ZMIZ2: variants seen among roughly 807,000 people sequenced by gnomAD.
ZMIZ2 encodes the protein zinc finger MIZ domain-containing protein 2.
Under a neutral mutation model 93.9 loss-of-function variants are expected in ZMIZ2, and 26 were observed. The observed-to-expected ratio is 0.28, with a 90% CI of 0.20 to 0.38. The LOEUF (loss-of-function observed/expected upper bound fraction) is 0.38. ZMIZ2 is among the 10% of genes least tolerant of loss of function. The pLI is 1.00. For synonymous variants in ZMIZ2, 485 were observed against 516.4 expected, an observed-to-expected ratio of 0.94 and a Z score of 0.82; for missense variants, 1,023 against 1,235.0, an observed-to-expected ratio of 0.83 and a Z score of 2.57.
At position 44,763,427 on chromosome 7, in the gene ZMIZ2, G is replaced by C; in HGVS notation, c.1860+14G>C. ...CGCCACATACAGGTAGGTGGTTACT[G>C]CAGAGTCTTGCCGGAATTTGCTGCT... On this transcript the variant is annotated intron_variant, in intron 13 of 18. Transcript: ENST00000309315. This position sits in a 1 kb window ranked among gnomAD's most constrained non-coding sequence, Gnocchi z 5.6. The C allele has an allele frequency of 6.2e-7, 1 of 1,613,094 alleles. No homozygotes were observed. Among genetic ancestry groups the C allele is most frequent in the Non-Finnish European group, 8.5e-7 (1 of 1,179,318 alleles).
rs1791775420 is a variant in ZMIZ2 at position 44,766,961 on chromosome 7, A to G, written c.2655+298A>G. Among the ~76,000 whole-genome samples, 1 of 152,110 alleles carries G rather than the reference A, an allele frequency of 6.6e-6. No homozygotes were observed. The highest frequency in any genetic ancestry group is 1.5e-5 in the Non-Finnish European group (1 of 68,026). The stretch of plus-strand genomic sequence containing the variant: ...CCTTAGAGTCAAATTTCGTCTGTCC[A>G]TTTGCTCAGTAGCCCTGGGTCTTGA... On this transcript the variant is annotated intron_variant, in intron 18 of 18. Transcript: ENST00000309315. The surrounding 1 kb of genome is among the most constrained non-coding windows in gnomAD (Gnocchi z 4.4).
At chr7:44,764,309 A>G in intron 13 of ZMIZ2, 110 bp from the exon 14 acceptor site, 1 of 963,350 alleles carries the variant, frequency 1.0e-6, no homozygotes. Flanking sequence ...GCAGTATCTC[A>G]GTTATGCATG....
chr7:44,762,837 C>T, intron 11 of ZMIZ2, 44 bp from the exon 12 acceptor site: 1 of 1,551,400 alleles, frequency 6.4e-7, no homozygotes, highest in Non-Finnish European at 8.8e-7. Context: ...CAGGGTGGCC[C>T]CTGGCCCAAG....
chr7:44,758,381 G>A (rs1790805080), intron 6 of ZMIZ2, among the ~76,000 whole-genome samples: 1 of 151,834 alleles, frequency 6.6e-6, no homozygotes, highest in Non-Finnish European at 1.5e-5. Flanking sequence ...AGAGGTGGGA[G>A]GATCGCCTGA....
chr7:44,756,478 C>T lies in ZMIZ2; in HGVS notation c.104C>T (p.Pro35Leu), dbSNP rs1267076598. The T allele has an allele frequency of 1.9e-6, 3 of 1,614,068 alleles. No homozygotes were observed. Among genetic ancestry groups the T allele is most frequent in the Non-Finnish European group, 2.5e-6 (3 of 1,180,026 alleles). Residue 35 changes from proline (P) to leucine (L), a missense_variant, in exon 3 of 19, where the codon CCG becomes CTG. By Grantham distance (98) the Pro-to-Leu change is moderately conservative (BLOSUM62 -3). Around this residue, in one of 3 missense-constraint regions of ZMIZ2, gnomAD observed 656 missense variants for 777.1 expected, o/e 0.84. Transcript: ENST00000309315. ...CCTTGGCAACAAAGCGCCACTCAGC[C>T]GGCTGGATCGCTGTCTGTGGTCACT... is the stretch of plus-strand genomic sequence containing the variant. ...SVPWQQSATQ[P>L]AGSLSVVTTV...
chr7:44,755,737 C>T (rs1478060263), intron 1 of ZMIZ2, among the ~76,000 whole-genome samples: 1 of 152,206 alleles, frequency 6.6e-6, no homozygotes, highest in Non-Finnish European at 1.5e-5. Context: ...AGCAGGGAGT[C>T]CCCTCACCTC....
intron 7 of ZMIZ2, chr7:44,759,702 A>G (rs1300259654): frequency 1.1e-5 from 5 of 458,352 alleles, no homozygotes; most frequent in African/African-American, 1.0e-4. Context: ...AGGACCCTCT[A>G]CAAGATTCAT....
chr7:44,752,614 G>A (rs752190399), intron 1 of ZMIZ2, among the ~76,000 whole-genome samples: 11 of 152,170 alleles, frequency 7.2e-5, no homozygotes, highest in Non-Finnish European at 1.5e-4. Flanking sequence ...ATCGTACACC[G>A]TGTAGCCTCT....
At position 44,762,995 on chromosome 7, in the gene ZMIZ2, C is replaced by T. The variant is rs931057548; in HGVS notation, c.1702+9C>T. ...GCACTGCATCACCAAGAGTGAGTGG[C>T]TCCTGCCCCTCAGCTGCCAGGCAGC... On this transcript the variant is annotated intron_variant, in intron 12 of 18. Coordinates refer to ENST00000309315, the MANE Select transcript of ZMIZ2 (RefSeq NM_031449.4). 1.9e-6 allele frequency: 3 copies of T among 1,604,032 alleles called. No homozygotes were observed. Among genetic ancestry groups the T allele is most frequent in the Non-Finnish European group, 2.6e-6 (3 of 1,173,936 alleles).
intron 14 of ZMIZ2, 31 bp downstream of exon 14, chr7:44,764,517 A>C (rs781042900): frequency 6.2e-7 from 1 of 1,611,558 alleles, no homozygotes; most frequent in Non-Finnish European, 8.5e-7. Flanking sequence ...GTGATGGAGG[A>C]GGGGCTGGTG....
intron 11 of ZMIZ2, among the ~76,000 whole-genome samples, 178 bp downstream of exon 11, chr7:44,762,083 T>C (rs111363146): frequency 0.092 from 14,038 of 152,218 alleles, 871 homozygotes; most frequent in Admixed American, 0.14. Flanking sequence ...CATGCCGCCG[T>C]CTGCTGTTTT....
rs1583644408 is a variant in ZMIZ2, at chr7:44,761,957, T to C, written c.1596+52T>C. 1 of 517,300 alleles carries C rather than the reference T, an allele frequency of 1.9e-6. No individual in the cohort carries two copies. Among genetic ancestry groups the C allele is most frequent in the Non-Finnish European group, 2.7e-6 (1 of 366,196 alleles). The allele number at this position is 517,300 out of a possible 1,614,324, so 32.0% of individuals were successfully genotyped here. On this transcript the variant is annotated intron_variant, in intron 11 of 18. Transcript: ENST00000309315. This position sits in a 1 kb window ranked among gnomAD's most constrained non-coding sequence, Gnocchi z 5.8. ...TGCTGTGGCGTGGGGCGGGGTGTGG[T>C]GGGGCCTGGCCCAGCGGTGCCGTGG... is the stretch of plus-strand genomic sequence containing the variant.
At chr7:44,760,848 TA>T (rs11323295) in intron 9 of ZMIZ2, among the ~76,000 whole-genome samples, 82,111 of 136,056 alleles carry the variant, frequency 0.6, 24,244 homozygotes, top group East Asian at 0.79. Context: ...GACCCTGTCT[TA>T]AAAAAAAAAA....
In ZMIZ2 at chr7:44,762,801, A is replaced by AC. The variant is rs369502252; in HGVS notation, c.1597-80_1597-79insC. ...CCCCACCTGGCAGCCCCTGACACAC[A>AC]ACCCCCAGCACACCCTTTACCTGGC... On this transcript the variant is annotated intron_variant, in intron 11 of 18. Transcript: ENST00000309315. 4.3e-3 allele frequency: 3,868 copies of AC among 900,130 alleles called. 117 individuals carry two copies. In the African/African-American group the frequency reaches 0.076, roughly 18 times the overall value. The allele number at this position is 900,130 out of a possible 1,614,324, so 55.8% of individuals were successfully genotyped here. A position where few individuals can be genotyped will look rare whatever the true frequency, so the allele number is the denominator to read the frequency against.
chr7:44,766,572 C>A lies in ZMIZ2; in HGVS notation c.2564C>A (p.Pro855His). Residue 855 changes from proline to histidine, a missense_variant, in exon 18 of 19, where the codon CCT becomes CAT. Physicochemically the swap from Pro to His is moderately conservative, Grantham distance 77. Transcript: ENST00000309315. The surrounding 1 kb of genome is among the most constrained non-coding windows in gnomAD (Gnocchi z 4.4). ...TCCTTGGGCCAAGCGAGCTTAGGAC[C>A]TACGGGTGAACTGGCCTTCAGTCCT... The part of the protein sequence containing the change: ...RQSLGQASLG[P>H]TGELAFSPAT... The A allele has an allele frequency of 6.2e-7, 1 of 1,613,796 alleles. No individual in the cohort carries two copies. The highest frequency in any genetic ancestry group is 1.3e-5 in the African/African-American group (1 of 75,068).
At position 44,763,223 on chromosome 7, in the gene ZMIZ2, C is replaced by G. The variant is rs770835169; in HGVS notation, c.1703-33C>G. 1 of 1,606,662 alleles carries G rather than the reference C, an allele frequency of 6.2e-7. No individual in the cohort carries two copies. Among genetic ancestry groups the G allele is most frequent in the Admixed American group, 1.7e-5 (1 of 59,668 alleles). ...TTCACACCTCCCCATCTTGGGGACC[C>G]TTTACTCAAGTCCTTTACCTTGTTG... On this transcript the variant is annotated intron_variant, in intron 12 of 18. Coordinates refer to ENST00000309315, the MANE Select transcript of ZMIZ2 (RefSeq NM_031449.4). This position sits in a 1 kb window ranked among gnomAD's most constrained non-coding sequence, Gnocchi z 5.6.
At position 44,761,536 on chromosome 7, in the gene ZMIZ2, C is replaced by T. The variant is rs776041632; in HGVS notation, c.1328C>T (p.Ala443Val). The T allele has an allele frequency of 2.5e-6, 4 of 1,613,996 alleles. No homozygotes were observed. Among genetic ancestry groups the T allele is most frequent in the Admixed American group, 3.3e-5 (2 of 60,000 alleles). ...CCCTTCCGCCTGCAGCACAACCTGG[C>T]TGTAAGCAACCATGTCTTCCAGCTG... is the stretch of plus-strand genomic sequence containing the variant. ...LEPFRLQHNL[A>V]VSNHVFQLRD... The change falls in exon 10 of 19, where the codon GCT (alanine) becomes GTT (valine). Residue 443 changes from alanine to valine, a missense_variant. Physicochemically the swap from Ala to Val is moderately conservative, Grantham distance 64. Coordinates refer to ENST00000309315, the MANE Select transcript of ZMIZ2 (RefSeq NM_031449.4). The surrounding 1 kb of genome is among the most constrained non-coding windows in gnomAD (Gnocchi z 5.8).
At chr7:44,751,125 C>G (rs1249236824) in intron 1 of ZMIZ2, 1 of 152,248 alleles carries the variant, frequency 6.6e-6, no homozygotes, top group Non-Finnish European at 1.5e-5. Flanking sequence ...TCTTTGTGGT[C>G]TCTGTCCACA....
In ZMIZ2 at chr7:44,765,880, G is replaced by C; in HGVS notation, c.2243-284G>C. ...CCTCACAGGACTGGCCCCATCTGGG[G>C]CCCCCCTCTGGGACCCACCTCACAC... On this transcript the variant is annotated intron_variant, in intron 16 of 18. Coordinates refer to ENST00000309315, the MANE Select transcript of ZMIZ2 (RefSeq NM_031449.4). This position sits in a 1 kb window ranked among gnomAD's most constrained non-coding sequence, Gnocchi z 4.1. The C allele has an allele frequency of 7.4e-7, 1 of 1,347,754 alleles. No individual in the cohort carries two copies. Among genetic ancestry groups the C allele is most frequent in the Non-Finnish European group, 9.6e-7 (1 of 1,036,472 alleles). The allele number at this position is 1,347,754 out of a possible 1,614,324, so 83.5% of individuals were successfully genotyped here.
Sources: gnomAD v4.1 joint callset for allele counts (sites outside exome capture counted in the v4.1 genomes callset) on GRCh38, gnomAD v4.1.1 for gene constraint, gnomAD v4.1.1 regional missense constraint, Gnocchi (gnomAD v3.1) non-coding constraint, MANE v1.5 for transcripts, NCBI Gene and HGNC (gene_info 2026-07-23, HGNC 2026-07-21) for gene names.